ERICH3: variants seen among roughly 807,000 people sequenced by gnomAD.
The protein encoded by ERICH3 is glutamate rich 3, also known as glutamate-rich protein 3.
A neutral mutation model predicts 131.1 loss-of-function variants in ERICH3; 126 were observed. That is an observed-to-expected ratio of 0.96 (90% confidence interval 0.83 to 1.11). The LOEUF (loss-of-function observed/expected upper bound fraction) is 1.11, where lower values mean the gene tolerates loss of function less well. Among genes scored for constraint, ERICH3 ranks in the 50% most tolerant of loss-of-function variants. The pLI is 0.00. For synonymous variants in ERICH3, 695 were observed against 644.6 expected (o/e 1.08, Z -1.18); for missense variants, 2,050 against 1,810.7 (o/e 1.13, Z -2.40).
intron 7 of ERICH3, among the ~76,000 whole-genome samples, chr1:74,628,549 T>A (rs906764124): frequency 6.6e-6 from 1 of 152,160 alleles, no homozygotes; most frequent in Non-Finnish European, 1.5e-5. Context: ...CGAATATTTA[T>A]GTTATTGGTA....
At chr1:74,640,878 G>GA (rs1646431875) in intron 5 of ERICH3, among the ~76,000 whole-genome samples, 1 of 152,062 alleles carries the variant, frequency 6.6e-6, no homozygotes, top group Non-Finnish European at 1.5e-5. Flanking sequence ...GGAACAGCAA[G>GA]AAAAAATCCA....
rs945463470 is a variant in ERICH3, at chr1:74,583,832, T to C, written c.2176+5799A>G. Among the ~76,000 whole-genome samples, 7 of 152,206 alleles carry C rather than the reference T, an allele frequency of 4.6e-5. No homozygotes were observed. In the East Asian group the frequency reaches 1.3e-3, roughly 29 times the overall value. Reference sequence around the variant, plus strand: ...GTTACATCTTTTACATTTCCTATCGTGTATTCTCAATGACATCTAATTCAT... The same window carrying C: ...GTTACATCTTTTACATTTCCTATCGCGTATTCTCAATGACATCTAATTCAT... On this transcript the variant is annotated intron_variant, in intron 12 of 14. Transcript: ENST00000326665.
At chr1:74,662,853 T>C (rs912648285) in intron 1 of ERICH3, among the ~76,000 whole-genome samples, 1 of 152,150 alleles carries the variant, frequency 6.6e-6, no homozygotes, top group Non-Finnish European at 1.5e-5. Flanking sequence ...CTTTTTACTA[T>C]TTAAAAATGT....
At chr1:74,620,626 AT>A (rs1311594481) in intron 8 of ERICH3, 107 bp downstream of exon 8, 6 of 932,208 alleles carry the variant, frequency 6.4e-6, no homozygotes, top group Non-Finnish European at 9.3e-6. Flanking sequence ...GTCCCTGGAT[AT>A]GCATAATTTC....
At chr1:74,655,714 C>T (rs1423993991) in intron 1 of ERICH3, among the ~76,000 whole-genome samples, 3 of 152,150 alleles carry the variant, frequency 2.0e-5, no homozygotes, top group African/African-American at 7.2e-5. Flanking sequence ...AGAATATGGA[C>T]ATCTTTGAGG....
intron 1 of ERICH3, among the ~76,000 whole-genome samples, chr1:74,662,084 T>A (rs559979895): frequency 6.6e-6 from 1 of 152,304 alleles, no homozygotes; most frequent in African/African-American, 2.4e-5. Flanking sequence ...TGTCTTTTAA[T>A]CACCCTGCCT....
chr1:74,649,711 C>T (rs1031811818), intron 1 of ERICH3, among the ~76,000 whole-genome samples: 2 of 152,140 alleles, frequency 1.3e-5, no homozygotes, highest in African/African-American at 4.8e-5. Flanking sequence ...TCCAGCGTCT[C>T]ATGTCATACC....
Position 74,576,926 on chromosome 1 carries a change from T to C in ERICH3, c.2187A>G (p.Ser729=), listed in dbSNP as rs777803511. The change falls in exon 13 of 15, where the codon TCA becomes TCG. Residue 729 remains serine (S), a synonymous_variant. Coordinates refer to ENST00000326665, the MANE Select transcript of ERICH3 (RefSeq NM_001002912.5). ...LPGLEEGGKD[S]LPLAYVLALG... ...GAGCCAGGACATAGGCTAATGGCAATGAATCCTTTCCTAGTTAAAAAAAAA... is the reference window on the plus strand; with the variant it reads ...GAGCCAGGACATAGGCTAATGGCAACGAATCCTTTCCTAGTTAAAAAAAAA... 4.4e-6 allele frequency: 7 copies of C among 1,594,318 alleles called. No individual in the cohort carries two copies. In the Admixed American group the frequency reaches 7.1e-5, roughly 16 times the overall value.
intron 12 of ERICH3, among the ~76,000 whole-genome samples, chr1:74,584,842 A>G (rs186932713): frequency 3.3e-5 from 5 of 152,312 alleles, no homozygotes; most frequent in Admixed American, 3.3e-4. Context: ...GTCTATTAGA[A>G]CAACCACATG....
At chr1:74,586,981 T>C (rs1647358299) in intron 12 of ERICH3, among the ~76,000 whole-genome samples, 1 of 152,164 alleles carries the variant, frequency 6.6e-6, no homozygotes, top group Non-Finnish European at 1.5e-5. Context: ...TTATTCCATG[T>C]GTATTATTTG....
chr1:74,589,561 A>G (rs1477164211), intron 12 of ERICH3, 70 bp downstream of exon 12: 8 of 1,429,534 alleles, frequency 5.6e-6, no homozygotes, highest in Non-Finnish European at 7.7e-6. Flanking sequence ...AAGCTTTGGC[A>G]TAGTGCAATG....
At chr1:74,608,875 T>C (rs141577232) in intron 9 of ERICH3, among the ~76,000 whole-genome samples, 2 of 152,180 alleles carry the variant, frequency 1.3e-5, no homozygotes, top group African/African-American at 4.8e-5. Context: ...CAACACCAAA[T>C]CCATTGATTT....
rs1647767243 is a variant in ERICH3 at position 74,594,700 on chromosome 1, A to G, written c.1727-4620T>C. Among the ~76,000 whole-genome samples the G allele has an allele frequency of 2.0e-5, 3 of 152,140 alleles. No homozygotes were observed. In the South Asian group the frequency reaches 6.2e-4, roughly 31 times the overall value. On this transcript the variant is annotated intron_variant, in intron 11 of 14. Transcript: ENST00000326665. ...TGGTTCACTCTAACAGTGACTGCTG[A>G]TAACTCTCTCAGAAACTATTGCCAT...
At position 74,631,864 on chromosome 1, in the gene ERICH3, T is replaced by C; in HGVS notation, c.668A>G (p.Gln223Arg). ...IGNSQRMNSY[Q>R]LPNINSYMMP... Reference sequence around the variant, plus strand: ...CATGTAACTGTTAATGTTTGGAAGTTGATATGAATTCATTCTCTGTGAATT... The same window carrying C: ...CATGTAACTGTTAATGTTTGGAAGTCGATATGAATTCATTCTCTGTGAATT... Residue 223 changes from glutamine to arginine, a missense_variant, in exon 7 of 15, where the codon CAA becomes CGA. Gln to Arg is a conservative substitution (Grantham distance 43). Coordinates refer to ENST00000326665, the MANE Select transcript of ERICH3 (RefSeq NM_001002912.5). 1 of 1,613,564 alleles carries C rather than the reference T, an allele frequency of 6.2e-7. No homozygotes were observed. The highest frequency in any genetic ancestry group is 1.1e-5 in the South Asian group (1 of 91,054).
At chr1:74,610,487 T>C (rs1333805399) in intron 9 of ERICH3, among the ~76,000 whole-genome samples, 1 of 150,462 alleles carries the variant, frequency 6.6e-6, no homozygotes, top group Admixed American at 6.7e-5. Flanking sequence ...CATCTCATCT[T>C]CTCCAGTCTA....
chr1:74,586,258 A>C (rs1314819756), intron 12 of ERICH3: 7 of 350,926 alleles, frequency 2.0e-5, no homozygotes, highest in Non-Finnish European at 2.4e-5. Flanking sequence ...TACAGTGTTA[A>C]GTGAAAAAAG....
At chr1:74,594,148 C>T (rs146530386) in intron 11 of ERICH3, among the ~76,000 whole-genome samples, 229 of 152,108 alleles carry the variant, frequency 1.5e-3, no homozygotes, top group African/African-American at 5.2e-3. Context: ...CAAAAGGTAG[C>T]GATCAAAGTC....
At chr1:74,593,596 T>G (rs1021653175) in intron 11 of ERICH3, among the ~76,000 whole-genome samples, 12 of 152,138 alleles carry the variant, frequency 7.9e-5, no homozygotes, top group Non-Finnish European at 1.8e-4. Context: ...TCTAATAAAT[T>G]TCTCTCTTGT....
At chr1:74,607,421 C>A (rs1648454764) in intron 9 of ERICH3, among the ~76,000 whole-genome samples, 1 of 151,914 alleles carries the variant, frequency 6.6e-6, no homozygotes, top group African/African-American at 2.4e-5. Context: ...AACAACACAA[C>A]AACAGTAACA....
Sources: gnomAD v4.1 joint callset for allele counts (sites outside exome capture counted in the v4.1 genomes callset) on GRCh38, gnomAD v4.1.1 for gene constraint, MANE v1.5 for transcripts, NCBI Gene and HGNC (gene_info 2026-07-23, HGNC 2026-07-21) for gene names.